The following SOS1 variants were observed in gnomAD, a reference collection of about 807,000 sequenced individuals.
SOS1 encodes SOS Ras/Rac guanine nucleotide exchange factor 1.
In SOS1, 25 loss-of-function variants were observed where a neutral mutation model predicts 157.6. The ratio of observed to expected loss-of-function variants is 0.16; its 90% CI spans 0.12 to 0.22. The LOEUF (loss-of-function observed/expected upper bound fraction) is 0.22, where lower values mean the gene tolerates loss of function less well. Ranked by LOEUF, SOS1 falls within the 10% of genes least tolerant of loss-of-function variation. The pLI is 1.00. For synonymous variants in SOS1, 528 were observed against 534.0 expected (o/e 0.99, Z 0.16); for missense variants, 1,237 against 1,599.1 (o/e 0.77, Z 3.86).
chr2:39,102,530 CAAAAA>C (rs70954782), intron 1 of SOS1, among the ~76,000 whole-genome samples: 15 of 50,596 alleles, frequency 3.0e-4, no homozygotes, highest in African/African-American at 1.2e-3. Context: ...GACTCCATCT[CAAAAA>C]AAAAAAAAAA....
At position 38,995,208 on chromosome 2, in the gene SOS1, T is replaced by TC. The variant is rs1558459705; in HGVS notation, c.3260_3261insG (p.Thr1088AsnfsTer19). 6.2e-7 allele frequency: 1 copy of TC among 1,614,024 alleles called. No homozygotes were observed. The highest frequency in any genetic ancestry group is 8.5e-7 in the Non-Finnish European group (1 of 1,179,910). On this transcript the variant is annotated frameshift_variant, in exon 20 of 23. Coordinates refer to ENST00000402219, the MANE Select transcript of SOS1 (RefSeq NM_005633.4). LOFTEE classifies it high-confidence loss of function. ...AAGCACCAGAAGCAGGCGGAGGTGT[T>TC]AACGGTGTTCTTGGAGAATTTGGTG...
intron 18 of SOS1, 22 bp downstream of exon 18, chr2:38,997,231 A>T: frequency 6.4e-7 from 1 of 1,571,690 alleles, no homozygotes; most frequent in Non-Finnish European, 8.7e-7. Context: ...AGAAGTATGA[A>T]TCTTTAAATA....
At chr2:39,013,689 C>T in intron 12 of SOS1, 126 bp from the exon 13 acceptor site, 2 of 905,080 alleles carry the variant, frequency 2.2e-6, no homozygotes, top group Non-Finnish European at 3.7e-6. Context: ...GTGCTTAACA[C>T]TTCCAAAATT....
At chr2:39,087,005 G>A (rs143276055) in intron 1 of SOS1, among the ~76,000 whole-genome samples, 4,391 of 152,190 alleles carry the variant, frequency 0.029, 88 homozygotes, top group Middle Eastern at 0.068. Flanking sequence ...TAGAGACGGG[G>A]TTTTGCCATT....
intron 1 of SOS1, among the ~76,000 whole-genome samples, chr2:39,105,713 C>T (rs192496124): frequency 7.9e-5 from 12 of 151,920 alleles, no homozygotes; most frequent in Non-Finnish European, 1.6e-4. Flanking sequence ...GCCTGGCCAA[C>T]ATGCGAAACC....
chr2:39,027,909 A>T (rs1572834877), intron 8 of SOS1, among the ~76,000 whole-genome samples: 1 of 151,628 alleles, frequency 6.6e-6, no homozygotes, highest in South Asian at 2.1e-4. Context: ...GCTCACTGCA[A>T]CCTCCACACC....
chr2:39,013,918 C>G lies in SOS1; in HGVS notation c.2012G>C (p.Ser671Thr), dbSNP rs1060503525. The G allele has an allele frequency of 1.2e-6, 2 of 1,608,144 alleles. No homozygotes were observed. Among genetic ancestry groups the G allele is most frequent in the Admixed American group, 1.7e-5 (1 of 59,928 alleles). The change falls in exon 12 of 23, where the codon AGT (serine) becomes ACT (threonine). Residue 671 changes from serine to threonine, a missense_variant. By Grantham distance (58) the Ser-to-Thr change is moderately conservative. Around this residue, in one of 15 missense-constraint regions of SOS1, gnomAD observed 55 missense variants for 43.1 expected, o/e 1.27. Coordinates refer to ENST00000402219, the MANE Select transcript of SOS1 (RefSeq NM_005633.4). ...IAIENGDQPL[S>T]AELKRFRKEY... Reference sequence around the variant, plus strand: ...TTTTCTAAATCTTTTCAGTTCTGCACTCAAGGGTTGATCTCCATTCTCTAT... The same window carrying G: ...TTTTCTAAATCTTTTCAGTTCTGCAGTCAAGGGTTGATCTCCATTCTCTAT...
intron 1 of SOS1, among the ~76,000 whole-genome samples, chr2:39,108,983 G>A (rs868696428): frequency 4.6e-4 from 70 of 152,168 alleles, no homozygotes; most frequent in Middle Eastern, 6.8e-3. Context: ...TGAACTGCTT[G>A]AGCTCAGGAG....
intron 1 of SOS1, among the ~76,000 whole-genome samples, chr2:39,099,435 G>C (rs375871418): frequency 3.9e-5 from 6 of 152,288 alleles, no homozygotes; most frequent in East Asian, 1.9e-4. Flanking sequence ...GGTTACCTGG[G>C]GCTGGAGGTT....
At chr2:39,006,694 AG>A (rs1669292700) in intron 16 of SOS1, among the ~76,000 whole-genome samples, 165 bp from the exon 17 acceptor site, 1 of 152,188 alleles carries the variant, frequency 6.6e-6, no homozygotes, top group African/African-American at 2.4e-5. Context: ...CATAGACCTC[AG>A]TATAAACTTA....
At chr2:38,987,407 G>A in intron 22 of SOS1, 66 bp downstream of exon 22, 1 of 817,370 alleles carries the variant, frequency 1.2e-6, no homozygotes, top group Non-Finnish European at 2.1e-6. Flanking sequence ...AACTAAACTA[G>A]ACAGCCGTTT....
At chr2:39,081,513 G>A (rs1672200158) in intron 1 of SOS1, among the ~76,000 whole-genome samples, 1 of 151,298 alleles carries the variant, frequency 6.6e-6, no homozygotes, top group Non-Finnish European at 1.5e-5. Context: ...GAGTGAGACT[G>A]TCCTCGGTAA....
chr2:39,010,640 A>G lies in SOS1; in HGVS notation c.2454T>C (p.Ser818=), dbSNP rs748802612. Residue 818 remains serine, a synonymous_variant, in exon 15 of 23, where the codon TCT becomes TCC. Coordinates refer to ENST00000402219, the MANE Select transcript of SOS1 (RefSeq NM_005633.4). ...GTCGAATCATTTTCAGAAGATTAGG[A>G]GAGTTAATTTCTTTGTCTTCTTTTG... is the stretch of plus-strand genomic sequence containing the variant. ...VWTKEDKEIN[S]PNLLKMIRHT... is the part of the protein sequence containing the mutation. The G allele has an allele frequency of 3.7e-5, 60 of 1,607,680 alleles. No individual in the cohort carries two copies. The highest frequency in any genetic ancestry group is 4.7e-5 in the Non-Finnish European group (55 of 1,174,308).
chr2:39,094,274 GA>G (rs750250948), intron 1 of SOS1, among the ~76,000 whole-genome samples: 1 of 151,794 alleles, frequency 6.6e-6, no homozygotes, highest in Non-Finnish European at 1.5e-5. Context: ...AGTAATTATT[GA>G]AATTTTTTCT....
chr2:39,095,471 T>A (rs1401095904), intron 1 of SOS1, among the ~76,000 whole-genome samples: 1 of 152,196 alleles, frequency 6.6e-6, no homozygotes, highest in African/African-American at 2.4e-5. Flanking sequence ...TTTCCTAGGT[T>A]ATCAAGAGAA....
In SOS1 at chr2:38,989,417, T is replaced by C. The variant is rs75266863; in HGVS notation, c.3347-103A>G. The C allele has an allele frequency of 1.1e-3, 870 of 756,828 alleles. 6 individuals are homozygous for C. In the African/African-American group the frequency reaches 0.012, roughly 10 times the overall value. 46.9% of individuals were successfully genotyped at this position (756,828 alleles called of 1,614,324 possible). On this transcript the variant is annotated intron_variant, in intron 20 of 22. Transcript: ENST00000402219. ...GATGAAAATGTTATTGTCATTGTCG[T>C]TTTAAAGAATGCTGTAACAGTTTAT... is the stretch of plus-strand genomic sequence containing the variant.
At chr2:39,025,523 T>TA (rs1558475978) in intron 8 of SOS1, among the ~76,000 whole-genome samples, 1 of 151,798 alleles carries the variant, frequency 6.6e-6, no homozygotes, top group Non-Finnish European at 1.5e-5. Flanking sequence ...CTGATTTTTT[T>TA]TTTTTTTTTT....
intron 1 of SOS1, among the ~76,000 whole-genome samples, chr2:39,078,239 A>C (rs1327327368): frequency 6.6e-6 from 1 of 152,238 alleles, no homozygotes; most frequent in African/African-American, 2.4e-5. Context: ...AATACAAATA[A>C]AAACCATAAG....
intron 2 of SOS1, among the ~76,000 whole-genome samples, chr2:39,061,643 C>G (rs943449750): frequency 2.0e-5 from 3 of 152,294 alleles, no homozygotes; most frequent in East Asian, 3.9e-4. Context: ...CTGCCTTGGC[C>G]TCCCAAAGTG....
Sources: allele counts gnomAD v4.1 joint callset (sites outside exome capture counted in the v4.1 genomes callset), GRCh38; gene constraint gnomAD v4.1.1; regional missense constraint gnomAD v4.1.1; transcripts MANE v1.5; gene names NCBI Gene and HGNC (gene_info 2026-07-23, HGNC 2026-07-21).